DLC1: variants seen among roughly 807,000 people sequenced by gnomAD.
DLC1 encodes DLC1 Rho GTPase activating protein.
In DLC1, 54 loss-of-function variants were observed where a neutral mutation model predicts 140.3. The observed-to-expected ratio is 0.38, with a 90% confidence interval of 0.31 to 0.48. The LOEUF (loss-of-function observed/expected upper bound fraction) is 0.48, where lower values mean the gene tolerates loss of function less well. DLC1 is among the 20% of genes least tolerant of loss of function. The pLI, the probability that DLC1 is intolerant of heterozygous loss-of-function variation, is 0.96. For synonymous variants in DLC1, 986 were observed against 728.1 expected, an observed-to-expected ratio of 1.35 and a Z score of -5.70; for missense variants, 2,536 against 1,907.0, an observed-to-expected ratio of 1.33 and a Z score of -6.14.
intron 2 of DLC1, among the ~76,000 whole-genome samples, chr8:13,456,387 A>G (rs1296466276): frequency 6.6e-6 from 1 of 152,130 alleles, no homozygotes; most frequent in Non-Finnish European, 1.5e-5. Flanking sequence ...ATTATGTGCT[A>G]CATTTCTTTC....
At chr8:13,094,393 T>C (rs999673647) in intron 12 of DLC1, among the ~76,000 whole-genome samples, 1 of 152,110 alleles carries the variant, frequency 6.6e-6, no homozygotes, top group Admixed American at 6.5e-5. Flanking sequence ...AGGCCAGGCG[T>C]GGTGGCTCAC....
chr8:13,124,528 T>G (rs892394485), intron 5 of DLC1, among the ~76,000 whole-genome samples: 1 of 152,220 alleles, frequency 6.6e-6, no homozygotes, highest in Admixed American at 6.5e-5. Context: ...CAACATTATT[T>G]CCTCAGATGT....
chr8:13,223,003 T>C lies in DLC1; in HGVS notation c.1348+82266A>G, dbSNP rs541765727. Among the ~76,000 whole-genome samples, 306 of 152,298 alleles carry C rather than the reference T, an allele frequency of 2.0e-3. 2 individuals carry two copies. The highest frequency in any genetic ancestry group is 5.0e-3 in the South Asian group (24 of 4,822). On this transcript the variant is annotated intron_variant, in intron 5 of 17. Coordinates refer to ENST00000276297, the MANE Select transcript of DLC1 (RefSeq NM_182643.3). ...CCTGGGCTCAAGGGATCCTCCCACC[T>C]CAGCCTCCCAAAGTGTTGGGATTAT...
At chr8:13,563,227 C>T (rs1377908987) in intron 1 of DLC1, among the ~76,000 whole-genome samples, 5 of 152,104 alleles carry the variant, frequency 3.3e-5, no homozygotes, top group Admixed American at 2.6e-4. Flanking sequence ...GATTCTAACA[C>T]TTCAACTTGC....
intron 2 of DLC1, among the ~76,000 whole-genome samples, chr8:13,491,846 A>G (rs1801261330): frequency 6.6e-6 from 1 of 152,154 alleles, no homozygotes; most frequent in African/African-American, 2.4e-5. Flanking sequence ...GGTTCATGAC[A>G]CTTAGCATTA....
chr8:13,581,461 G>A (rs1484253986), intron 1 of DLC1, among the ~76,000 whole-genome samples: 1 of 152,078 alleles, frequency 6.6e-6, no homozygotes, highest in African/African-American at 2.4e-5. Context: ...CAACAATCTT[G>A]GTACTAAATT....
chr8:13,549,134 G>A (rs909299739), intron 1 of DLC1, among the ~76,000 whole-genome samples: 5 of 152,038 alleles, frequency 3.3e-5, no homozygotes, highest in South Asian at 2.1e-4. Context: ...GCAAAAATTA[G>A]CAGTGAAAAC....
At chr8:13,128,162 G>A (rs1024353822) in intron 5 of DLC1, among the ~76,000 whole-genome samples, 6 of 152,032 alleles carry the variant, frequency 3.9e-5, no homozygotes, top group Non-Finnish European at 7.4e-5. Context: ...TTCACTTTTT[G>A]GTGCTCAAAA....
chr8:13,127,507 G>A (rs903979326), intron 5 of DLC1, among the ~76,000 whole-genome samples: 1 of 152,192 alleles, frequency 6.6e-6, no homozygotes, highest in African/African-American at 2.4e-5. Context: ...AGAACTGTAT[G>A]GAGATTGGAT....
At chr8:13,490,978 A>T (rs1175491690) in intron 2 of DLC1, among the ~76,000 whole-genome samples, 2 of 145,800 alleles carry the variant, frequency 1.4e-5, no homozygotes, top group East Asian at 3.9e-4. Context: ...AATTTATATA[A>T]ATATATATAT....
At chr8:13,601,113 T>C (rs1036734242) in intron 1 of DLC1, among the ~76,000 whole-genome samples, 9 of 151,814 alleles carry the variant, frequency 5.9e-5, no homozygotes, top group African/African-American at 2.2e-4. Flanking sequence ...TCCCCATTAA[T>C]ATTATTTTAG....
intron 5 of DLC1, among the ~76,000 whole-genome samples, chr8:13,126,395 A>ACACACACACC (rs1821571895): frequency 6.6e-6 from 1 of 151,966 alleles, no homozygotes; most frequent in Non-Finnish European, 1.5e-5. Flanking sequence ...ACACACACAC[A>ACACACACACC]CACACGTGTA....
chr8:13,478,109 G>T (rs1412001134), intron 2 of DLC1, among the ~76,000 whole-genome samples: 2 of 152,172 alleles, frequency 1.3e-5, no homozygotes, highest in Non-Finnish European at 2.9e-5. Context: ...ATAAAGAAGA[G>T]AGGTTTAACT....
intron 1 of DLC1, among the ~76,000 whole-genome samples, chr8:13,523,856 C>CT (rs200934872): frequency 1.1e-3 from 162 of 146,934 alleles, no homozygotes; most frequent in South Asian, 5.0e-3. Flanking sequence ...TTGTTCTGTT[C>CT]TTTTTTTTTT....
intron 1 of DLC1, among the ~76,000 whole-genome samples, chr8:13,589,041 A>G (rs955146933): frequency 6.6e-6 from 1 of 152,070 alleles, no homozygotes; most frequent in Admixed American, 6.6e-5. Context: ...ACAGAATATG[A>G]TAATAATTAT....
chr8:13,114,849 C>G (rs1326652911), intron 6 of DLC1, among the ~76,000 whole-genome samples: 2 of 152,142 alleles, frequency 1.3e-5, no homozygotes, highest in Non-Finnish European at 2.9e-5. Flanking sequence ...CTGACAATAT[C>G]AAGCGTTGAG....
intron 1 of DLC1, among the ~76,000 whole-genome samples, chr8:13,507,216 G>A (rs1273017774): frequency 6.6e-6 from 1 of 152,146 alleles, no homozygotes; most frequent in Non-Finnish European, 1.5e-5. Context: ...CTTCCCACTG[G>A]CACACAGCTC....
At chr8:13,367,592 G>A (rs1294714915) in intron 4 of DLC1, among the ~76,000 whole-genome samples, 1 of 152,174 alleles carries the variant, frequency 6.6e-6, no homozygotes, top group Non-Finnish European at 1.5e-5. Flanking sequence ...TGTGAAGGGT[G>A]TGTTTTCTTT....
At chr8:13,526,080 T>C (rs1802914631) in intron 1 of DLC1, among the ~76,000 whole-genome samples, 1 of 152,200 alleles carries the variant, frequency 6.6e-6, no homozygotes, top group African/African-American at 2.4e-5. Context: ...ACAATTCTTT[T>C]CCCATGGAAT....
Sources: allele counts gnomAD v4.1 joint callset (sites outside exome capture counted in the v4.1 genomes callset), GRCh38; gene constraint gnomAD v4.1.1; transcripts MANE v1.5; gene names NCBI Gene and HGNC (gene_info 2026-07-23, HGNC 2026-07-21).